The following TMEM243 variants were observed in gnomAD, a reference collection of about 807,000 sequenced individuals.
TMEM243 encodes the protein transmembrane protein 243.
TMEM243 carries 20 observed loss-of-function variants against 15.0 expected under a neutral mutation model. The observed-to-expected ratio is 1.33, with a 90% confidence interval of 0.94 to 1.93. The LOEUF (loss-of-function observed/expected upper bound fraction) is 1.93, where lower values mean the gene tolerates loss of function less well. TMEM243 is among the 30% of genes most tolerant of loss of function. TMEM243 has a pLI of 0.00. For synonymous variants in TMEM243, 72 were observed against 52.7 expected (o/e 1.37, Z -1.59); for missense variants, 156 against 142.1 (o/e 1.10, Z -0.50).
At chr7:87,197,915 C>T in intron 3 of TMEM243, 26 bp downstream of exon 3, 1 of 1,612,756 alleles carries the variant, frequency 6.2e-7, no homozygotes, top group Non-Finnish European at 8.5e-7. Flanking sequence ...CTCAAGAACA[C>T]TGTTTAAATT....
chr7:87,219,337 A>G, intron 1 of TMEM243, 89 bp downstream of exon 1: 5 of 1,295,080 alleles, frequency 3.9e-6, no homozygotes, highest in Non-Finnish European at 5.6e-6. Context: ...TGCTTTTAGG[A>G]GCCGCAGAAA....
chr7:87,199,183 C>T, intron 1 of TMEM243, 126 bp from the exon 2 acceptor site: 1 of 691,204 alleles, frequency 1.4e-6, no homozygotes, highest in Non-Finnish European at 2.3e-6. Context: ...GAGCTTTACA[C>T]ATAAAACTAC....
At position 87,196,766 on chromosome 7, in the gene TMEM243, A is replaced by C; in HGVS notation, c.235-8T>G. 2 of 1,520,818 alleles carry C rather than the reference A, an allele frequency of 1.3e-6. No homozygotes were observed. The highest frequency in any genetic ancestry group is 1.8e-6 in the Non-Finnish European group (2 of 1,123,028). The allele number at this position is 1,520,818 out of a possible 1,614,324, so 94.2% of individuals were successfully genotyped here. A position where few individuals can be genotyped will look rare whatever the true frequency, so the allele number is the denominator to read the frequency against. On this transcript the variant is annotated splice_polypyrimidine_tract_variant and splice_region_variant and intron_variant, in intron 3 of 3. Transcript: ENST00000257637. ...TTGTCGATACCAGTAGATCTAAAAG[A>C]AGAATTAAAGTTTATAAATTAAAAT... is the stretch of plus-strand genomic sequence containing the variant.
At chr7:87,197,752 A>T in intron 3 of TMEM243, 189 bp downstream of exon 3, 1 of 1,306,406 alleles carries the variant, frequency 7.7e-7, no homozygotes. Context: ...CTTTGGGGTT[A>T]CAACTTTGGG....
chr7:87,218,934 C>G lies in TMEM243; in HGVS notation c.78+492G>C, dbSNP rs373220545. ...CCTTGATCACTTCCTGGAATGGAGG[C>G]CATCATTCAAGAATCCCTCACCTCA... is the stretch of plus-strand genomic sequence containing the variant. On this transcript the variant is annotated intron_variant, in intron 1 of 3. Transcript: ENST00000257637. 9.2e-5 allele frequency among the ~76,000 whole-genome samples: 14 copies of G among 152,224 alleles called. No homozygotes were observed. The East Asian group carries it at 1.9e-3, about 21-fold the overall frequency.
chr7:87,219,763 T>C (rs116111494), upstream of TMEM243: 1,299 of 497,438 alleles, frequency 2.6e-3, 15 homozygotes, highest in African/African-American at 0.024. Flanking sequence ...TGGCAGACTC[T>C]CAGCGGGACG....
chr7:87,219,418 G>C lies in TMEM243; in HGVS notation c.78+8C>G, dbSNP rs1803337573. 2 of 1,613,702 alleles carry C rather than the reference G, an allele frequency of 1.2e-6. No individual in the cohort carries two copies. The highest frequency in any genetic ancestry group is 1.7e-6 in the Non-Finnish European group (2 of 1,179,592). ...CCATCCCAGTCTGGAGTCACAATCC[G>C]CACTCACCTTGGCGGACGTCTCCCC... On this transcript the variant is annotated splice_region_variant and intron_variant, in intron 1 of 3. Coordinates refer to ENST00000257637, the MANE Select transcript of TMEM243 (RefSeq NM_024315.4).
chr7:87,209,764 G>GAGAGCGAGACAC (rs1562885411), intron 1 of TMEM243, among the ~76,000 whole-genome samples: 1 of 117,562 alleles, frequency 8.5e-6, no homozygotes, highest in African/African-American at 3.2e-5. Flanking sequence ...GCGAGACAGT[G>GAGAGCGAGACAC]AGAGCGAGAC....
chr7:87,219,119 C>T (rs1803307836), intron 1 of TMEM243, among the ~76,000 whole-genome samples: 1 of 152,148 alleles, frequency 6.6e-6, no homozygotes, highest in Non-Finnish European at 1.5e-5. Flanking sequence ...GCTGGAGGTG[C>T]AGCTGTACAA....
intron 1 of TMEM243, among the ~76,000 whole-genome samples, chr7:87,205,423 G>C (rs1358127075): frequency 6.6e-6 from 1 of 151,204 alleles, no homozygotes; most frequent in East Asian, 1.9e-4. Flanking sequence ...CTGTCAGGCT[G>C]CAAATTTTCC....
At chr7:87,220,390 G>C (rs1213927794), upstream of TMEM243, 2 of 152,428 alleles carry the variant, frequency 1.3e-5, no homozygotes, top group Non-Finnish European at 2.9e-5. Flanking sequence ...TCGCACGCTG[G>C]GGGGCCCTGG....
intron 2 of TMEM243, chr7:87,198,631 A>G (rs776603767): frequency 7.2e-6 from 2 of 276,654 alleles, no homozygotes; most frequent in Non-Finnish European, 1.4e-5. Flanking sequence ...CAGTACAACT[A>G]CTATACACTG....
At position 87,198,005 on chromosome 7, in the gene TMEM243, G is replaced by A; in HGVS notation, c.170C>T (p.Pro57Leu). Reference sequence around the variant, plus strand: ...AGCAAAGAATATATTCAACGGTTTTGGAGGTAGTTGAGGGAAAACAAAAGC... The same window carrying A: ...AGCAAAGAATATATTCAACGGTTTTAGAGGTAGTTGAGGGAAAACAAAAGC... Reference protein sequence around the residue: ...ISAFVFPQLPPKPLNIFFAVC... With the variant: ...ISAFVFPQLPLKPLNIFFAVC... The change falls in exon 3 of 4, where the codon CCA becomes CTA. Residue 57 changes from proline (P) to leucine (L), a missense_variant. Coordinates refer to ENST00000257637, the MANE Select transcript of TMEM243 (RefSeq NM_024315.4). 6.2e-7 allele frequency: 1 copy of A among 1,612,802 alleles called. No homozygotes were observed. The highest frequency in any genetic ancestry group is 8.5e-7 in the Non-Finnish European group (1 of 1,179,180).
chr7:87,203,783 C>T (rs1326403075), intron 1 of TMEM243, among the ~76,000 whole-genome samples: 1 of 151,974 alleles, frequency 6.6e-6, no homozygotes, highest in Non-Finnish European at 1.5e-5. Context: ...GAATTTGTCC[C>T]ATGGGTCAGA....
intron 1 of TMEM243, among the ~76,000 whole-genome samples, chr7:87,202,092 TGTAA>T (rs1801856956): frequency 6.6e-6 from 1 of 152,214 alleles, no homozygotes; most frequent in Non-Finnish European, 1.5e-5. Context: ...TATATCATCT[TGTAA>T]GTCATATATT....
chr7:87,207,178 A>G (rs1802288549), intron 1 of TMEM243, among the ~76,000 whole-genome samples: 1 of 152,270 alleles, frequency 6.6e-6, no homozygotes, highest in South Asian at 2.1e-4. Context: ...CTGCTAGGGC[A>G]GGACCAAGGA....
chr7:87,198,730 AG>A lies in TMEM243; in HGVS notation c.129+276del, dbSNP rs1801565890. On this transcript the variant is annotated intron_variant, in intron 2 of 3. Transcript: ENST00000257637. The stretch of plus-strand genomic sequence containing the variant: ...ATGGGGAATTATGGTAGATGACAGA[AG>A]GAAGTGGCTACTAGCCACTGACATT... 1.7e-5 allele frequency: 8 copies of A among 471,358 alleles called. No homozygotes were observed. The South Asian group carries it at 1.9e-4, about 11-fold the overall frequency. The allele number at this position is 471,358 out of a possible 1,614,324, so 29.2% of individuals were successfully genotyped here.
intron 1 of TMEM243, among the ~76,000 whole-genome samples, chr7:87,205,435 A>G (rs113326051): frequency 0.037 from 5,675 of 152,100 alleles, 127 homozygotes; most frequent in East Asian, 0.065. Context: ...AAATTTTCCA[A>G]ACTTTTATGC....
chr7:87,206,161 C>G (rs1802203507), intron 1 of TMEM243, among the ~76,000 whole-genome samples: 1 of 152,068 alleles, frequency 6.6e-6, no homozygotes, highest in South Asian at 2.1e-4. Flanking sequence ...GGAAACTGCC[C>G]CCATGATTCA....
Sources: allele counts gnomAD v4.1 joint callset (sites outside exome capture counted in the v4.1 genomes callset), GRCh38; gene constraint gnomAD v4.1.1; transcripts MANE v1.5; gene names NCBI Gene and HGNC (gene_info 2026-07-23, HGNC 2026-07-21).